The following RASA3 variants were observed in gnomAD, a reference collection of about 807,000 sequenced individuals.
RASA3 encodes the protein ras GTPase-activating protein 3.
Under a neutral mutation model 110.0 loss-of-function variants are expected in RASA3, and 73 were observed. That is an observed-to-expected ratio of 0.66 (90% CI 0.55 to 0.81). The LOEUF is 0.81. Ranked by LOEUF, RASA3 falls within the 30% of genes least tolerant of loss-of-function variation. The pLI is 0.00. For synonymous variants in RASA3, 500 were observed against 451.4 expected (o/e 1.11, Z -1.37); for missense variants, 976 against 1,113.2 (o/e 0.88, Z 1.75).
intron 1 of RASA3, among the ~76,000 whole-genome samples, chr13:114,097,364 A>G (rs999267895): frequency 2.0e-5 from 3 of 152,238 alleles, no homozygotes; most frequent in Non-Finnish European, 1.5e-5. Context: ...TGCTGTGTGC[A>G]TCCCCACAGG....
chr13:113,990,658 G>A (rs1443676611), intron 22 of RASA3, among the ~76,000 whole-genome samples: 3 of 152,216 alleles, frequency 2.0e-5, no homozygotes. Context: ...ACACTTGCTG[G>A]GGGAGAAGAC....
At chr13:114,099,379 G>A (rs578242440) in intron 1 of RASA3, among the ~76,000 whole-genome samples, 1 of 151,930 alleles carries the variant, frequency 6.6e-6, no homozygotes, top group African/African-American at 2.4e-5. Flanking sequence ...GGACGGTACA[G>A]AAATAGCGTG....
In RASA3 at chr13:114,029,816, G is replaced by A. The variant is rs370838092; in HGVS notation, c.444C>T (p.Ala148=). Residue 148 remains alanine, a synonymous_variant, in exon 5 of 24, where the codon GCC becomes GCT. Coordinates refer to ENST00000334062, the MANE Select transcript of RASA3 (RefSeq NM_007368.4). ...TDTGVVCHKL[A]TRIVECQGLP... ...CTAGTGAGGACGTGTCTTACCGTGT[G>A]GCGAGCTTGTGGCAGACGACCCCAG... 6 of 1,592,374 alleles carry A rather than the reference G, an allele frequency of 3.8e-6. No homozygotes were observed. Among genetic ancestry groups the A allele is most frequent in the Non-Finnish European group, 3.4e-6 (4 of 1,169,874 alleles).
rs529305446 is a variant in RASA3 at position 114,078,944 on chromosome 13, A to G, written c.56-5107T>C. On this transcript the variant is annotated intron_variant, in intron 1 of 23. Coordinates refer to ENST00000334062, the MANE Select transcript of RASA3 (RefSeq NM_007368.4). ...TGTGAGGGCATGGGGAGGTCTCCAC[A>G]GACCCCACCCAGCACTGCTCCTCCC... Among the ~76,000 whole-genome samples, 7 of 152,348 alleles carry G rather than the reference A, an allele frequency of 4.6e-5. No individual in the cohort carries two copies. In the East Asian group the frequency reaches 1.4e-3, roughly 29 times the overall value.
At chr13:114,107,053 T>C (rs924033498) in intron 1 of RASA3, among the ~76,000 whole-genome samples, 3 of 152,194 alleles carry the variant, frequency 2.0e-5, no homozygotes, top group Admixed American at 6.5e-5. Flanking sequence ...ACCTCCTCTC[T>C]CGTGCACGGC....
chr13:114,039,788 C>T (rs1324955964), intron 4 of RASA3, among the ~76,000 whole-genome samples: 2 of 152,232 alleles, frequency 1.3e-5, no homozygotes, highest in Non-Finnish European at 2.9e-5. Context: ...GGACATGGGC[C>T]CCAGCACTGG....
chr13:114,073,283 G>C (rs1479864708), intron 2 of RASA3, among the ~76,000 whole-genome samples: 4 of 142,062 alleles, frequency 2.8e-5, no homozygotes, highest in Admixed American at 7.1e-5. Flanking sequence ...TACACGCTCG[G>C]GACATTGTCT....
intron 1 of RASA3, among the ~76,000 whole-genome samples, chr13:114,110,749 C>T (rs2080206779): frequency 6.6e-6 from 1 of 152,246 alleles, no homozygotes; most frequent in African/African-American, 2.4e-5. Context: ...CAGCCTCCCG[C>T]GTCCCCACAG....
chr13:114,093,509 G>GT (rs1365894765), intron 1 of RASA3, among the ~76,000 whole-genome samples: 2 of 152,146 alleles, frequency 1.3e-5, no homozygotes, highest in Non-Finnish European at 2.9e-5. Context: ...ATCTTTGAGA[G>GT]TTTTTTGATT....
intron 12 of RASA3, 41 bp downstream of exon 12, chr13:114,017,196 C>T (rs1374229538): frequency 1.3e-6 from 2 of 1,557,730 alleles, no homozygotes; most frequent in Non-Finnish European, 1.8e-6. Context: ...GAAATCCTCC[C>T]CACGCCTCGT....
chr13:114,077,651 C>G (rs2079711954), intron 1 of RASA3, among the ~76,000 whole-genome samples: 1 of 143,312 alleles, frequency 7.0e-6, no homozygotes, highest in Non-Finnish European at 1.5e-5. Context: ...GCACCGGATT[C>G]ATCCCTCCCT....
intron 2 of RASA3, among the ~76,000 whole-genome samples, chr13:114,058,376 C>T (rs1219067838): frequency 3.3e-5 from 5 of 152,222 alleles, no homozygotes; most frequent in Non-Finnish European, 7.3e-5. Flanking sequence ...ACCTGCCTGA[C>T]GACCTCTCCC....
intron 2 of RASA3, among the ~76,000 whole-genome samples, chr13:114,064,220 C>A (rs1489153940): frequency 6.6e-6 from 1 of 152,234 alleles, no homozygotes; most frequent in Non-Finnish European, 1.5e-5. Flanking sequence ...GGAGCAGAGG[C>A]TGCGAGGCCA....
chr13:114,111,982 C>T (rs2080225867), intron 1 of RASA3, among the ~76,000 whole-genome samples: 1 of 152,128 alleles, frequency 6.6e-6, no homozygotes, highest in African/African-American at 2.4e-5. Flanking sequence ...TTCCAAGGAA[C>T]AGGCGAGGGT....
At chr13:114,105,675 C>T (rs957501079) in intron 1 of RASA3, among the ~76,000 whole-genome samples, 7 of 152,250 alleles carry the variant, frequency 4.6e-5, no homozygotes, top group Middle Eastern at 6.3e-3. Flanking sequence ...CTGGCGTCTG[C>T]AGCACATCCA....
chr13:114,066,588 C>A (rs1414573580), intron 2 of RASA3, among the ~76,000 whole-genome samples: 2 of 152,232 alleles, frequency 1.3e-5, no homozygotes, highest in Admixed American at 1.3e-4. Flanking sequence ...CCCTTCCAGG[C>A]CTGGGCCTGG....
At chr13:114,082,601 T>C (rs2079802100) in intron 1 of RASA3, among the ~76,000 whole-genome samples, 1 of 152,108 alleles carries the variant, frequency 6.6e-6, no homozygotes, top group South Asian at 2.1e-4. Flanking sequence ...GATAAAACCA[T>C]GAAGAACGTC....
chr13:114,123,317 C>A (rs183393741), intron 1 of RASA3, among the ~76,000 whole-genome samples: 2 of 152,182 alleles, frequency 1.3e-5, no homozygotes, highest in Admixed American at 1.3e-4. Flanking sequence ...GGGTTTGGAA[C>A]CAAAACAAGA....
intron 2 of RASA3, among the ~76,000 whole-genome samples, chr13:114,066,815 G>T (rs1306181822): frequency 6.6e-6 from 1 of 152,254 alleles, no homozygotes; most frequent in Non-Finnish European, 1.5e-5. Context: ...AGGACCAGGG[G>T]CTCTGACCTG....
Sources: gnomAD v4.1 joint callset for allele counts (sites outside exome capture counted in the v4.1 genomes callset) on GRCh38, gnomAD v4.1.1 for gene constraint, MANE v1.5 for transcripts, NCBI Gene and HGNC (gene_info 2026-07-23, HGNC 2026-07-21) for gene names.